NYAP2: variants seen among roughly 807,000 people sequenced by gnomAD.
The protein encoded by NYAP2 is neuronal tyrosine-phosphorylated phosphoinositide-3-kinase adaptor 2.
A neutral mutation model predicts 50.4 loss-of-function variants in NYAP2; 23 were observed. The observed-to-expected ratio is 0.46, with a 90% CI of 0.33 to 0.65. The LOEUF is 0.65. Ranked by LOEUF, NYAP2 falls within the 30% of genes least tolerant of loss-of-function variation. The pLI is 0.02. For missense variants in NYAP2, 885 were observed against 861.0 expected (o/e 1.03, Z -0.35); for synonymous variants, 394 against 365.2 (o/e 1.08, Z -0.90).
At chr2:225,423,542 G>GA (rs1411030508) in intron 3 of NYAP2, among the ~76,000 whole-genome samples, 1 of 152,024 alleles carries the variant, frequency 6.6e-6, no homozygotes, top group East Asian at 1.9e-4. Flanking sequence ...TATAACTTGG[G>GA]AAAAAAATGA....
intron 6 of NYAP2, among the ~76,000 whole-genome samples, chr2:225,642,549 G>A (rs1202236083): frequency 6.6e-6 from 1 of 152,108 alleles, no homozygotes; most frequent in Non-Finnish European, 1.5e-5. Flanking sequence ...CTTGTGAAAA[G>A]GTATAGCTCT....
chr2:225,519,574 A>C (rs1395519384), intron 4 of NYAP2, among the ~76,000 whole-genome samples: 3 of 151,966 alleles, frequency 2.0e-5, no homozygotes, highest in African/African-American at 7.3e-5. Context: ...TTCCAGCTTC[A>C]TCCATGTCCC....
At chr2:225,480,319 G>A (rs1025118090) in intron 3 of NYAP2, among the ~76,000 whole-genome samples, 4 of 151,922 alleles carry the variant, frequency 2.6e-5, no homozygotes, top group Non-Finnish European at 5.9e-5. Flanking sequence ...GTATACTAGG[G>A]GAAGATAGAT....
At chr2:225,459,302 G>A (rs897959564) in intron 3 of NYAP2, among the ~76,000 whole-genome samples, 1 of 152,084 alleles carries the variant, frequency 6.6e-6, no homozygotes, top group African/African-American at 2.4e-5. Context: ...GTTGACATTG[G>A]GATTTAGGTT....
exon 4 of NYAP2, chr2:225,513,485 T>C: frequency 1.2e-6 from 2 of 1,613,922 alleles, no homozygotes; most frequent in Non-Finnish European, 1.7e-6. Context: ...CTTGCTCCAG[T>C]GGCTTTTCTG....
chr2:225,498,889 A>G (rs955455353), intron 3 of NYAP2, among the ~76,000 whole-genome samples: 3 of 152,214 alleles, frequency 2.0e-5, no homozygotes, highest in Admixed American at 1.3e-4. Context: ...GGCTTGGAAC[A>G]TGCTAATCTT....
chr2:225,515,311 ACTT>A (rs1328112214), intron 4 of NYAP2, among the ~76,000 whole-genome samples: 1 of 152,192 alleles, frequency 6.6e-6, no homozygotes, highest in Admixed American at 6.5e-5. Flanking sequence ...TTGTATTTTC[ACTT>A]CTTCTATTGT....
intron 3 of NYAP2, among the ~76,000 whole-genome samples, chr2:225,510,556 T>C (rs1156443401): frequency 6.6e-6 from 1 of 152,188 alleles, no homozygotes; most frequent in Non-Finnish European, 1.5e-5. Context: ...AATCTTCAAT[T>C]TGTTTTGGGC....
rs959691172 is a variant in NYAP2 at position 225,466,359 on chromosome 2, G to A, written c.222-47012G>A. ...TATTTTCTAGATTTTTTTTCTTCAGGGTTTAGAAAGTGAGCATTTGGGCTT... is the reference window on the plus strand; with the variant it reads ...TATTTTCTAGATTTTTTTTCTTCAGAGTTTAGAAAGTGAGCATTTGGGCTT... On this transcript the variant is annotated intron_variant, in intron 3 of 6. Coordinates refer to ENST00000636099, the Ensembl canonical transcript of NYAP2. Among the ~76,000 whole-genome samples, 12 of 151,980 alleles carry A rather than the reference G, an allele frequency of 7.9e-5. No individual in the cohort carries two copies. In the East Asian group the frequency reaches 2.3e-3, roughly 29 times the overall value.
intron 5 of NYAP2, among the ~76,000 whole-genome samples, chr2:225,587,483 A>C (rs1349699339): frequency 6.6e-6 from 1 of 152,106 alleles, no homozygotes; most frequent in African/African-American, 2.4e-5. Flanking sequence ...CACCAAGAAG[A>C]GAGGCGCACA....
intron 6 of NYAP2, among the ~76,000 whole-genome samples, chr2:225,638,415 G>C (rs1035533719): frequency 3.3e-5 from 5 of 152,134 alleles, no homozygotes; most frequent in Admixed American, 6.6e-5. Context: ...TGACCACAGA[G>C]AAAGTTGCTT....
chr2:225,677,676 T>A, the NYAP2 span, among the ~76,000 whole-genome samples: 117 of 151,658 alleles, frequency 7.7e-4, no homozygotes, highest in African/African-American at 2.8e-3. Flanking sequence ...GATGAGCATA[T>A]GGTTTTTGTT....
At chr2:225,498,775 T>C (rs999554757) in intron 3 of NYAP2, among the ~76,000 whole-genome samples, 3 of 152,128 alleles carry the variant, frequency 2.0e-5, no homozygotes, top group Non-Finnish European at 4.4e-5. Context: ...ATAGGAAGTA[T>C]ATAGGTGTCA....
intron 5 of NYAP2, among the ~76,000 whole-genome samples, chr2:225,592,155 T>G (rs1692518847): frequency 6.6e-6 from 1 of 152,214 alleles, no homozygotes; most frequent in Non-Finnish European, 1.5e-5. Flanking sequence ...TCAATGCCTC[T>G]AAGCATAACT....
At chr2:225,489,185 T>A (rs1386887177) in intron 3 of NYAP2, among the ~76,000 whole-genome samples, 1 of 151,772 alleles carries the variant, frequency 6.6e-6, no homozygotes, top group Non-Finnish European at 1.5e-5. Flanking sequence ...TTTTCTTTCT[T>A]TCTTTCTTTT....
intron 5 of NYAP2, among the ~76,000 whole-genome samples, chr2:225,589,516 A>ATATATATATATATATATAT (rs1692452593): frequency 1.4e-5 from 1 of 71,356 alleles, no homozygotes; most frequent in African/African-American, 5.5e-5. Flanking sequence ...CTAAAAGTAA[A>ATATATATATATATATATAT]ATATATATAT....
Position 225,635,481 on chromosome 2 carries a change from A to G in NYAP2, c.1828+8355A>G, listed in dbSNP as rs377296237. 3.9e-5 allele frequency among the ~76,000 whole-genome samples: 6 copies of G among 152,342 alleles called. No homozygotes were observed. The East Asian group carries it at 7.7e-4, about 20-fold the overall frequency. ...ACAAAGCCGGTTTATAACAGCTAGT[A>G]GACAAACGTTTATTCCGTTCCCATT... On this transcript the variant is annotated intron_variant, in intron 6 of 6. Transcript: ENST00000636099.
In NYAP2 at chr2:225,512,458, T is replaced by C. The variant is rs184028456; in HGVS notation, c.222-913T>C. ...ACCTTCACCAATTTAAGCAAATATT[T>C]TCTCCTCCCTCCCTCCTTTCTTCCT... is the stretch of plus-strand genomic sequence containing the variant. On this transcript the variant is annotated intron_variant, in intron 3 of 6. Transcript: ENST00000636099. 5.6e-3 allele frequency among the ~76,000 whole-genome samples: 855 copies of C among 152,080 alleles called. 8 individuals carry two copies. The highest frequency in any genetic ancestry group is 0.019 in the African/African-American group (795 of 41,524).
At position 225,430,058 on chromosome 2, in the gene NYAP2, T is replaced by A. The variant is rs571782466; in HGVS notation, c.221+20957T>A. ...CTGATTCCTGCAACTCTCTGCTTTT[T>A]TAAAATCTATTCACTCATATTTATC... On this transcript the variant is annotated intron_variant, in intron 3 of 6. Transcript: ENST00000636099. Among the ~76,000 whole-genome samples the A allele has an allele frequency of 6.6e-5, 10 of 152,342 alleles. No homozygotes were observed. The South Asian group carries it at 1.9e-3, about 28-fold the overall frequency.
Sources: allele counts gnomAD v4.1 joint callset (sites outside exome capture counted in the v4.1 genomes callset), GRCh38; gene constraint gnomAD v4.1.1; transcripts MANE v1.5; gene names NCBI Gene and HGNC (gene_info 2026-07-23, HGNC 2026-07-21).